PSG4: variants seen among roughly 807,000 people sequenced by gnomAD.
The protein encoded by PSG4 is pregnancy specific beta-1-glycoprotein 4, also known as pregnancy-specific beta-1-glycoprotein 4.
Under a neutral mutation model 44.3 loss-of-function variants are expected in PSG4, and 61 were observed. That is an observed-to-expected ratio of 1.38 (90% CI 1.12 to 1.70). PSG4 has a LOEUF of 1.70. Among genes scored for constraint, PSG4 ranks in the 40% most tolerant of loss-of-function variants. PSG4 has a pLI of 0.00. For missense variants in PSG4, 677 were observed against 511.7 expected (o/e 1.32, Z -3.12); for synonymous variants, 248 against 191.3 (o/e 1.30, Z -2.45).
rs371695976 is a variant in PSG4 at position 43,195,041 on chromosome 19, G to C, written c.942C>G (p.Asp314Glu). 1 of 1,611,808 alleles carries C rather than the reference G, an allele frequency of 6.2e-7. No individual in the cohort carries two copies. The highest frequency in any genetic ancestry group is 1.3e-5 in the African/African-American group (1 of 74,452). ...GGTCACTGCGGATGCCACCATATCG[G>C]TCCCGTATTTCACATTGATAAGGTC... The part of the protein sequence containing the change: ...ETGPYQCEIR[D>E]RYGGIRSDPV... Residue 314 changes from aspartate to glutamate, a missense_variant, in exon 4 of 6, where the codon GAC becomes GAG. By Grantham distance (45) the Asp-to-Glu change is conservative. Coordinates refer to ENST00000405312, the MANE Select transcript of PSG4 (RefSeq NM_002780.5).
At chr19:43,194,909 G>A in intron 4 of PSG4, 86 bp downstream of exon 4, 1 of 1,573,902 alleles carries the variant, frequency 6.4e-7, no homozygotes, top group Non-Finnish European at 8.6e-7. Context: ...TCTATACTTG[G>A]ACTGGAGAGA....
chr19:43,203,763 AC>A, intron 2 of PSG4, 122 bp downstream of exon 2: 1 of 1,473,144 alleles, frequency 6.8e-7, no homozygotes, highest in Non-Finnish European at 9.1e-7. Flanking sequence ...AAATGCCCAA[AC>A]CCCAGCATGG....
At chr19:43,195,316 T>G in intron 3 of PSG4, 43 bp from the exon 4 acceptor site, 1 of 1,598,566 alleles carries the variant, frequency 6.3e-7, no homozygotes, top group Non-Finnish European at 8.5e-7. Flanking sequence ...GTGGCACCTT[T>G]GATTCCTCCA....
intron 1 of PSG4, 137 bp from the exon 2 acceptor site, chr19:43,204,388 G>T: frequency 8.4e-7 from 1 of 1,193,724 alleles, no homozygotes; most frequent in South Asian, 1.5e-5. Flanking sequence ...ACACACTAAA[G>T]GGGCGTGAGT....
rs116074482 is a variant in PSG4 at position 43,194,108 on chromosome 19, A to T, written c.1243+232T>A. 521 of 1,312,102 alleles carry T rather than the reference A, an allele frequency of 4.0e-4. 15 individuals are homozygous for T. In the African/African-American group the frequency reaches 7.2e-3, roughly 18 times the overall value. 81.3% of individuals were successfully genotyped at this position (1,312,102 alleles called of 1,614,324 possible). On this transcript the variant is annotated intron_variant, in intron 5 of 5. Transcript: ENST00000405312. ...TCAATATTGTCAATTATTTCAATGA[A>T]ATCAATGTTTCTCCTGCTTGGTCTA...
intron 1 of PSG4, chr19:43,204,601 G>T (rs1967674396): frequency 3.8e-6 from 1 of 262,110 alleles, no homozygotes; most frequent in Non-Finnish European, 6.8e-6. Flanking sequence ...AGAGACCCTG[G>T]GTCTTCCCTT....
At chr19:43,203,817 A>G (rs1325181299) in intron 2 of PSG4, 69 bp downstream of exon 2, 3 of 1,557,546 alleles carry the variant, frequency 1.9e-6, no homozygotes, top group Non-Finnish European at 2.6e-6. Context: ...CAGGCCTGAG[A>G]ATCCTGTGTG....
chr19:43,203,853 C>T lies in PSG4; in HGVS notation c.430+33G>A, dbSNP rs536910761. On this transcript the variant is annotated intron_variant, in intron 2 of 5. Transcript: ENST00000405312. ...TGTGAAGTAGAAGTGACCCCTGTCCCCCAACACCCAGGGATCATGTGGAAT... is the reference window on the plus strand; with the variant it reads ...TGTGAAGTAGAAGTGACCCCTGTCCTCCAACACCCAGGGATCATGTGGAAT... 5.7e-6 allele frequency: 9 copies of T among 1,569,240 alleles called. 1 individual carries two copies. The South Asian group carries it at 9.3e-5, about 16-fold the overall frequency.
rs191553607 is a variant in PSG4 at position 43,193,612 on chromosome 19, A to G, written c.1244-224T>C. 152 of 586,512 alleles carry G rather than the reference A, an allele frequency of 2.6e-4. 3 individuals are homozygous for G. The East Asian group carries it at 4.2e-3, about 16-fold the overall frequency. 36.3% of individuals were successfully genotyped at this position (586,512 alleles called of 1,614,324 possible). A position where few individuals can be genotyped will look rare whatever the true frequency, so the allele number is the denominator to read the frequency against. ...CAGCAAGAGTAGCAATAGACCATGT[A>G]GGCGCTCTTTTAGAATTTTATTTGC... is the stretch of plus-strand genomic sequence containing the variant. On this transcript the variant is annotated intron_variant, in intron 5 of 5. Transcript: ENST00000405312.
intron 2 of PSG4, chr19:43,198,633 T>A (rs1967366006): frequency 4.2e-6 from 1 of 240,802 alleles, no homozygotes; most frequent in East Asian, 1.3e-4. Context: ...AGTGCTGGAA[T>A]CTTCTTAGTT....
In PSG4 at chr19:43,193,119, T is replaced by G. The variant is rs1568381475; in HGVS notation, c.*253A>C. 1 of 655,626 alleles carries G rather than the reference T, an allele frequency of 1.5e-6. No homozygotes were observed. 40.6% of individuals were successfully genotyped at this position (655,626 alleles called of 1,614,324 possible). On this transcript the variant is annotated 3_prime_UTR_variant, in exon 6 of 6. Coordinates refer to ENST00000405312, the MANE Select transcript of PSG4 (RefSeq NM_002780.5). ...GCCTTATCATGATGGGGAGTCTTGT[T>G]CTGACATCTTTGGAAAAACTGTCCA... is the stretch of plus-strand genomic sequence containing the variant.
rs200847959 is a variant in PSG4, at chr19:43,203,879, C to T, written c.430+7G>A. 4.4e-6 allele frequency: 7 copies of T among 1,575,318 alleles called. 2 individuals carry two copies. In the Admixed American group the frequency reaches 1.2e-4, roughly 28 times the overall value. ...CCAACACCCAGGGATCATGTGGAATCACTCACGGTGTAAGGTGAAGGTGAA... is the reference window on the plus strand; with the variant it reads ...CCAACACCCAGGGATCATGTGGAATTACTCACGGTGTAAGGTGAAGGTGAA... On this transcript the variant is annotated splice_region_variant and intron_variant, in intron 2 of 5. Transcript: ENST00000405312.
At position 43,194,878 on chromosome 19, in the gene PSG4, G is replaced by T. The variant is rs1276069335; in HGVS notation, c.988+117C>A. 2.6e-6 allele frequency: 4 copies of T among 1,536,254 alleles called. No homozygotes were observed. The South Asian group carries it at 3.9e-5, about 15-fold the overall frequency. ...CAGGGCAGGGAGTCATGGCCACCTC[G>T]GATGTCCAGAAGTAAAGGTGTCTAT... On this transcript the variant is annotated intron_variant, in intron 4 of 5. Transcript: ENST00000405312.
At chr19:43,196,891 T>G (rs1423021939) in intron 3 of PSG4, 4 of 145,986 alleles carry the variant, frequency 2.7e-5, no homozygotes, top group Admixed American at 1.4e-4. Context: ...GGGATTCTGG[T>G]AGGGGTTGCA....
At chr19:43,204,702 C>T in intron 1 of PSG4, 2 of 208,126 alleles carry the variant, frequency 9.6e-6, no homozygotes, top group Middle Eastern at 6.2e-4. Context: ...CTTCCCCCCA[C>T]GATGACTGTG....
In PSG4 at chr19:43,198,101, A is replaced by G; in HGVS notation, c.605T>C (p.Leu202Pro). 6.3e-7 allele frequency: 1 copy of G among 1,587,706 alleles called. No homozygotes were observed. The highest frequency in any genetic ancestry group is 1.1e-5 in the South Asian group (1 of 89,930). Reference sequence around the variant, plus strand: ...ATACTTTGTGACACCAAATATAAAGAGGGTCCTGTTGGTTTTGGACAGCTG... The same window carrying G: ...ATACTTTGTGACACCAAATATAAAGGGGGTCCTGTTGGTTTTGGACAGCTG... Reference protein sequence around the residue: ...RLQLSKTNRTLFIFGVTKYIA... With the variant: ...RLQLSKTNRTPFIFGVTKYIA... Residue 202 changes from leucine to proline, a missense_variant, in exon 3 of 6, where the codon CTC (leucine) becomes CCC (proline). By Grantham distance (98) the Leu-to-Pro change is moderately conservative. Transcript: ENST00000405312.
At chr19:43,203,249 T>A (rs1967601514) in intron 2 of PSG4, 1 of 148,290 alleles carries the variant, frequency 6.7e-6, no homozygotes. Flanking sequence ...TGGACTCTCC[T>A]AAGCCGATGT....
At chr19:43,200,674 C>A (rs1967467590) in intron 2 of PSG4, among the ~76,000 whole-genome samples, 1 of 145,400 alleles carries the variant, frequency 6.9e-6, no homozygotes, top group Non-Finnish European at 1.5e-5. Flanking sequence ...CTCCTGGGTT[C>A]ATGCCATTCT....
intron 4 of PSG4, 108 bp downstream of exon 4, chr19:43,194,887 G>C: frequency 6.5e-7 from 1 of 1,546,632 alleles, no homozygotes; most frequent in Non-Finnish European, 8.7e-7. Flanking sequence ...CGGATGTCCA[G>C]AAGTAAAGGT....
Sources: allele counts gnomAD v4.1 joint callset (sites outside exome capture counted in the v4.1 genomes callset), GRCh38; gene constraint gnomAD v4.1.1; transcripts MANE v1.5; gene names NCBI Gene and HGNC (gene_info 2026-07-23, HGNC 2026-07-21).